The following SLC35F1 variants were observed in gnomAD, a reference collection of about 807,000 sequenced individuals.
SLC35F1 encodes the protein solute carrier family 35 member F1, also known as chromosome 6 open reading frame 169.
A neutral mutation model predicts 48.7 loss-of-function variants in SLC35F1; 14 were observed. That is an observed-to-expected ratio of 0.29 (90% confidence interval 0.19 to 0.45). The LOEUF (loss-of-function observed/expected upper bound fraction) is 0.45. Ranked by LOEUF, SLC35F1 falls within the 20% of genes least tolerant of loss-of-function variation. SLC35F1 has a pLI of 1.00. For synonymous variants in SLC35F1, 190 were observed against 202.2 expected (o/e 0.94, Z 0.51); for missense variants, 404 against 500.0 (o/e 0.81, Z 1.83).
intron 1 of SLC35F1, among the ~76,000 whole-genome samples, chr6:118,002,251 C>G (rs1017685578): frequency 6.6e-6 from 1 of 152,112 alleles, no homozygotes; most frequent in African/African-American, 2.4e-5. Context: ...CACATATACA[C>G]CATGGAATAC....
In SLC35F1 at chr6:118,085,710, A is replaced by G. The variant is rs542169942; in HGVS notation, c.174-68735A>G. 5.3e-3 allele frequency among the ~76,000 whole-genome samples: 98 copies of G among 18,336 alleles called. 2 individuals are homozygous for G. In the South Asian group the frequency reaches 0.17, roughly 33 times the overall value. 12.0% of individuals were successfully genotyped at this position (18,336 alleles called of 152,430 possible). On this transcript the variant is annotated intron_variant, in intron 1 of 7. Coordinates refer to ENST00000360388, the MANE Select transcript of SLC35F1 (RefSeq NM_001029858.4). ...AATCACGGATTTTACAGCTTGCCCT[A>G]GATAAATTAATTATGATTATGTGAA...
chr6:117,972,238 T>C (rs1443291787), intron 1 of SLC35F1, among the ~76,000 whole-genome samples: 8 of 152,194 alleles, frequency 5.3e-5, no homozygotes, highest in Non-Finnish European at 8.8e-5. Flanking sequence ...CCACATCTCC[T>C]TATGAGACCA....
At chr6:118,019,935 C>A (rs185384613) in intron 1 of SLC35F1, among the ~76,000 whole-genome samples, 101 of 152,242 alleles carry the variant, frequency 6.6e-4, no homozygotes, top group African/African-American at 2.2e-3. Flanking sequence ...CACTTTAACT[C>A]CTCTATTTCA....
At chr6:117,984,541 A>G (rs1213084400) in intron 1 of SLC35F1, among the ~76,000 whole-genome samples, 1 of 151,882 alleles carries the variant, frequency 6.6e-6, no homozygotes, top group Non-Finnish European at 1.5e-5. Context: ...ACATAAATGT[A>G]TATGAAATTC....
intron 1 of SLC35F1, among the ~76,000 whole-genome samples, chr6:117,941,929 C>T (rs924512478): frequency 6.6e-6 from 1 of 152,134 alleles, no homozygotes; most frequent in African/African-American, 2.4e-5. Flanking sequence ...AGATATTCTT[C>T]TTCATTGTAT....
chr6:118,063,904 G>A (rs980290655), intron 1 of SLC35F1, among the ~76,000 whole-genome samples: 1 of 152,096 alleles, frequency 6.6e-6, no homozygotes, highest in Non-Finnish European at 1.5e-5. Flanking sequence ...TAATGCACAG[G>A]GAGTGATATG....
intron 7 of SLC35F1, among the ~76,000 whole-genome samples, chr6:118,286,446 A>G (rs1370581013): frequency 8.5e-5 from 13 of 152,302 alleles, no homozygotes; most frequent in African/African-American, 3.1e-4. Context: ...CAGGATTACT[A>G]CTGAGAGAAG....
At chr6:118,122,438 A>G (rs1027978006) in intron 1 of SLC35F1, among the ~76,000 whole-genome samples, 3 of 152,218 alleles carry the variant, frequency 2.0e-5, no homozygotes, top group African/African-American at 7.2e-5. Flanking sequence ...TTGCCAAGTC[A>G]GAGAAACTTT....
rs1776412105 is a variant in SLC35F1, at chr6:118,314,769, C to A, written c.*517C>A. On this transcript the variant is annotated 3_prime_UTR_variant, in exon 8 of 8. Transcript: ENST00000360388. ...CTGAGAAGTTTCCTTTTCCTAGGGA[C>A]CTGGTGGTTAATGGTTTCCTCTGTT... 6.3e-6 allele frequency: 1 copy of A among 158,126 alleles called. No individual in the cohort carries two copies. The highest frequency in any genetic ancestry group is 1.4e-5 in the Non-Finnish European group (1 of 70,880). 9.8% of individuals were successfully genotyped at this position (158,126 alleles called of 1,614,324 possible).
chr6:118,048,277 G>T (rs969274120), intron 1 of SLC35F1, among the ~76,000 whole-genome samples: 9 of 151,946 alleles, frequency 5.9e-5, no homozygotes, highest in South Asian at 4.2e-4. Flanking sequence ...TGCTGGATTC[G>T]GTTTGCCAGT....
In SLC35F1 at chr6:117,923,694, C is replaced by CATATATACATATGTAT. The variant is rs1562238804; in HGVS notation, c.173+15800_173+15801insTACATATGTATATATA. Among the ~76,000 whole-genome samples, 7 of 13,506 alleles carry CATATATACATATGTAT rather than the reference C, an allele frequency of 5.2e-4. 2 individuals are homozygous for CATATATACATATGTAT. Among genetic ancestry groups the CATATATACATATGTAT allele is most frequent in the African/African-American group, 3.4e-3 (5 of 1,488 alleles). The allele number at this position is 13,506 out of a possible 152,430, so 8.9% of individuals were successfully genotyped here. ...ATATATGTACATATATACATATGTA[C>CATATATACATATGTAT]ATATACATATATGTACATATATACA... On this transcript the variant is annotated intron_variant, in intron 1 of 7. Transcript: ENST00000360388.
At chr6:118,291,947 G>T (rs1047021373) in intron 7 of SLC35F1, among the ~76,000 whole-genome samples, 1 of 151,972 alleles carries the variant, frequency 6.6e-6, no homozygotes, top group Non-Finnish European at 1.5e-5. Flanking sequence ...GTGAAACTCC[G>T]TCTCTACTAA....
At chr6:118,038,411 T>C (rs771548772) in intron 1 of SLC35F1, among the ~76,000 whole-genome samples, 7 of 152,128 alleles carry the variant, frequency 4.6e-5, no homozygotes, top group Middle Eastern at 3.4e-3. Context: ...ATTTAGTTTA[T>C]CTGAAACTGT....
intron 1 of SLC35F1, among the ~76,000 whole-genome samples, chr6:118,123,637 G>A (rs1014727089): frequency 2.0e-5 from 3 of 152,088 alleles, no homozygotes; most frequent in African/African-American, 7.2e-5. Context: ...TAAAAAGAAT[G>A]ACAGATTTCT....
intron 3 of SLC35F1, among the ~76,000 whole-genome samples, chr6:118,261,416 T>C (rs750919862): frequency 7.9e-5 from 12 of 152,312 alleles, no homozygotes; most frequent in Middle Eastern, 6.8e-3. Context: ...CAACACTATA[T>C]ACAAATATGC....
intron 3 of SLC35F1, among the ~76,000 whole-genome samples, chr6:118,265,812 C>T (rs1358038073): frequency 6.6e-6 from 1 of 152,204 alleles, no homozygotes; most frequent in African/African-American, 2.4e-5. Context: ...TTTAGAATTC[C>T]AGCAAGGAGA....
At chr6:118,249,709 G>A (rs1467383207) in intron 3 of SLC35F1, among the ~76,000 whole-genome samples, 3 of 152,172 alleles carry the variant, frequency 2.0e-5, no homozygotes, top group Admixed American at 1.3e-4. Flanking sequence ...AGAAACACCA[G>A]CATCTGAGAA....
chr6:117,939,027 C>A (rs74930938), intron 1 of SLC35F1, among the ~76,000 whole-genome samples: 1 of 134,258 alleles, frequency 7.4e-6, no homozygotes, highest in Non-Finnish European at 1.6e-5. Context: ...TTTTTTTTTC[C>A]GGAGACAGCC....
chr6:118,167,629 T>C (rs1582707220), intron 2 of SLC35F1, among the ~76,000 whole-genome samples: 1 of 152,186 alleles, frequency 6.6e-6, no homozygotes, highest in Admixed American at 6.5e-5. Context: ...GCAGTTACTA[T>C]GAATGGTGCT....
Sources: gnomAD v4.1 joint callset for allele counts (sites outside exome capture counted in the v4.1 genomes callset) on GRCh38, gnomAD v4.1.1 for gene constraint, MANE v1.5 for transcripts, NCBI Gene and HGNC (gene_info 2026-07-23, HGNC 2026-07-21) for gene names.